The following NRXN3 variants were observed in gnomAD, a reference collection of about 807,000 sequenced individuals.
NRXN3 encodes neurexin 3, also known as neurexin III.
NRXN3 carries 32 observed loss-of-function variants against 137.6 expected under a neutral mutation model. The observed-to-expected ratio is 0.23, with a 90% CI of 0.18 to 0.31. NRXN3 has a LOEUF of 0.31. Ranked by LOEUF, NRXN3 falls within the 10% of genes least tolerant of loss-of-function variation. The pLI, the probability that NRXN3 is intolerant of heterozygous loss-of-function variation, is 1.00. For missense variants in NRXN3, 1,574 were observed against 2,062.5 expected, an observed-to-expected ratio of 0.76 and a Z score of 4.59; for synonymous variants, 798 against 784.5, an observed-to-expected ratio of 1.02 and a Z score of -0.29.
Position 79,257,443 on chromosome 14 carries a change from T to TGGTGGTGGTGGTG in NRXN3, c.3263-209778_3263-209777insGGTGGTGGTGGTG, listed in dbSNP as rs2076822734. Reference sequence around the variant, plus strand: ...GTGGTGATGGTGGTGGTGGTGGTGGTAGTGATGGTGGTGGTGGTGGTGGTG... The same window carrying TGGTGGTGGTGGTG: ...GTGGTGATGGTGGTGGTGGTGGTGGTGGTGGTGGTGGTGAGTGATGGTGGTGGTGGTGGTGGTG... On this transcript the variant is annotated intron_variant, in intron 15 of 20. Coordinates refer to ENST00000335750, the MANE Select transcript of NRXN3 (RefSeq NM_001330195.2). Among the ~76,000 whole-genome samples the TGGTGGTGGTGGTG allele has an allele frequency of 3.0e-4, 8 of 26,924 alleles. 1 individual carries two copies. Among genetic ancestry groups the TGGTGGTGGTGGTG allele is most frequent in the Admixed American group, 4.7e-4 (1 of 2,126 alleles). The allele number at this position is 26,924 out of a possible 152,430, so 17.7% of individuals were successfully genotyped here. A position where few individuals can be genotyped will look rare whatever the true frequency, so the allele number is the denominator to read the frequency against.
intron 16 of NRXN3, among the ~76,000 whole-genome samples, chr14:79,580,972 G>A (rs771428380): frequency 6.6e-6 from 1 of 151,942 alleles, no homozygotes; most frequent in Non-Finnish European, 1.5e-5. Context: ...GTAGAATATT[G>A]GTTCTCTTCA....
At chr14:79,054,119 A>G (rs895971102) in intron 15 of NRXN3, among the ~76,000 whole-genome samples, 3 of 132,016 alleles carry the variant, frequency 2.3e-5, no homozygotes, top group Non-Finnish European at 3.1e-5. Context: ...ATGAAAACAC[A>G]TGGACACAGG....
intron 4 of NRXN3, among the ~76,000 whole-genome samples, chr14:78,584,791 G>A (rs1157649785): frequency 6.6e-6 from 1 of 152,202 alleles, no homozygotes; most frequent in Non-Finnish European, 1.5e-5. Context: ...CCGTGTTCTA[G>A]CGTCAAATCA....
At chr14:79,619,366 T>G (rs144233956) in intron 16 of NRXN3, among the ~76,000 whole-genome samples, 1 of 152,248 alleles carries the variant, frequency 6.6e-6, no homozygotes, top group East Asian at 1.9e-4. Flanking sequence ...CAATCTATCT[T>G]AAATAATATT....
rs143189659 is a variant in NRXN3, at chr14:79,760,230, C to T, written c.4015-44882C>T. On this transcript the variant is annotated intron_variant, in intron 19 of 20. Transcript: ENST00000335750. ...TACTTCTCATTAGAAAAAAGTGTGG[C>T]GAGCTAATTAAGACCCAGTGATAGT... 3.6e-4 allele frequency among the ~76,000 whole-genome samples: 55 copies of T among 151,434 alleles called. 1 individual carries two copies. Among genetic ancestry groups the T allele is most frequent in the African/African-American group, 1.3e-3 (52 of 40,910 alleles).
At chr14:78,707,147 A>G (rs557940684) in intron 6 of NRXN3, among the ~76,000 whole-genome samples, 1 of 152,312 alleles carries the variant, frequency 6.6e-6, no homozygotes, top group Admixed American at 6.5e-5. Flanking sequence ...AAATCATTTT[A>G]TTATTACAAA....
In NRXN3 at chr14:79,352,372, T is replaced by C. The variant is rs2093252655; in HGVS notation, c.3263-114849T>C. On this transcript the variant is annotated intron_variant, in intron 15 of 20. Transcript: ENST00000335750. ...TTAGACAGAACTGAAGAATAAACCC[T>C]AGGATCTTCTTCTATTAGGATAAAG... Among the ~76,000 whole-genome samples, 3 of 152,152 alleles carry C rather than the reference T, an allele frequency of 2.0e-5. No individual in the cohort carries two copies. The South Asian group carries it at 6.2e-4, about 32-fold the overall frequency.
At chr14:79,268,998 ACTCT>A (rs927414293) in intron 15 of NRXN3, among the ~76,000 whole-genome samples, 2 of 149,416 alleles carry the variant, frequency 1.3e-5, no homozygotes, top group African/African-American at 4.9e-5. Context: ...GTGGTTATTA[ACTCT>A]CTCTCATGGT....
intron 4 of NRXN3, among the ~76,000 whole-genome samples, chr14:78,390,441 C>T (rs2215837): frequency 0.45 from 68,146 of 151,874 alleles, 15,449 homozygotes; most frequent in Middle Eastern, 0.58. Context: ...GACAGAAAAC[C>T]GGTGTTACAA....
At chr14:79,211,973 T>G (rs2067734734) in intron 15 of NRXN3, among the ~76,000 whole-genome samples, 1 of 152,194 alleles carries the variant, frequency 6.6e-6, no homozygotes, top group Non-Finnish European at 1.5e-5. Context: ...ATTTTTGTTT[T>G]GTTATGTTGT....
chr14:79,054,625 ACC>A (rs1411486118), intron 15 of NRXN3, among the ~76,000 whole-genome samples: 10 of 152,110 alleles, frequency 6.6e-5, no homozygotes, highest in Non-Finnish European at 1.2e-4. Flanking sequence ...GGCTGAGCAA[ACC>A]CCAGCTGGAG....
At chr14:79,006,674 C>T (rs1286080189) in intron 15 of NRXN3, among the ~76,000 whole-genome samples, 2 of 151,880 alleles carry the variant, frequency 1.3e-5, no homozygotes, top group African/African-American at 2.4e-5. Flanking sequence ...TTATTCTATC[C>T]ATTAAAAAAT....
chr14:79,275,729 G>T (rs1189489512), intron 15 of NRXN3, among the ~76,000 whole-genome samples: 2 of 150,304 alleles, frequency 1.3e-5, no homozygotes, highest in Non-Finnish European at 2.9e-5. Context: ...GCAGGGTGAG[G>T]ATGGGGGGGG....
intron 1 of NRXN3, among the ~76,000 whole-genome samples, chr14:78,205,762 G>C (rs1313043844): frequency 6.6e-6 from 1 of 152,214 alleles, no homozygotes; most frequent in Non-Finnish European, 1.5e-5. Context: ...ACTCCATGTT[G>C]AGAGCCACCA....
chr14:78,832,450 C>T (rs934042890), intron 10 of NRXN3, among the ~76,000 whole-genome samples: 1 of 152,104 alleles, frequency 6.6e-6, no homozygotes, highest in African/African-American at 2.4e-5. Flanking sequence ...TTTAAGGTGG[C>T]ACATGGCATG....
intron 4 of NRXN3, among the ~76,000 whole-genome samples, chr14:78,403,032 G>A (rs1337047135): frequency 7.9e-5 from 12 of 152,136 alleles, no homozygotes; most frequent in Admixed American, 7.9e-4. Flanking sequence ...CTTGTTTGAG[G>A]TGGGAGCAAA....
rs2076646489 is a variant in NRXN3 at position 78,299,273 on chromosome 14, C to CA, written c.757+1415dup. On this transcript the variant is annotated intron_variant, in intron 4 of 20. Coordinates refer to ENST00000335750, the MANE Select transcript of NRXN3 (RefSeq NM_001330195.2). Reference sequence around the variant, plus strand: ...GCAGTTTAGTGAGGGAGGGAAGGGCCAACAGCAAGTGACTATGAGGTGGAC... The same window carrying CA: ...GCAGTTTAGTGAGGGAGGGAAGGGCCAAACAGCAAGTGACTATGAGGTGGAC... 3.9e-5 allele frequency among the ~76,000 whole-genome samples: 6 copies of CA among 152,214 alleles called. No individual in the cohort carries two copies. The South Asian group carries it at 1.2e-3, about 32-fold the overall frequency.
chr14:78,954,335 T>C (rs530915025), intron 10 of NRXN3, among the ~76,000 whole-genome samples: 1 of 152,314 alleles, frequency 6.6e-6, no homozygotes, highest in Admixed American at 6.5e-5. Context: ...TGAAAATGAA[T>C]ATCAAATACT....
At position 79,327,077 on chromosome 14, in the gene NRXN3, C is replaced by T. The variant is rs115069383; in HGVS notation, c.3263-140144C>T. 3.7e-3 allele frequency among the ~76,000 whole-genome samples: 560 copies of T among 152,278 alleles called. 1 individual carries two copies. The highest frequency in any genetic ancestry group is 0.012 in the African/African-American group (518 of 41,572). ...TTCCTTCTTCCCACCTTCTTTCCCTCGCTCCCTTCTTTCTTCTTTCTTTCA... is the reference window on the plus strand; with the variant it reads ...TTCCTTCTTCCCACCTTCTTTCCCTTGCTCCCTTCTTTCTTCTTTCTTTCA... On this transcript the variant is annotated intron_variant, in intron 15 of 20. Transcript: ENST00000335750.
Sources: gnomAD v4.1 joint callset for allele counts (sites outside exome capture counted in the v4.1 genomes callset) on GRCh38, gnomAD v4.1.1 for gene constraint, MANE v1.5 for transcripts, NCBI Gene and HGNC (gene_info 2026-07-23, HGNC 2026-07-21) for gene names.